Variants in RAB1B observed in about 807,000 individuals in gnomAD.
RAB1B encodes the protein RAB1B, member RAS oncogene family, also known as ras-related protein Rab-1B.
In RAB1B, 10 loss-of-function variants were observed where a neutral mutation model predicts 24.8. The ratio of observed to expected loss-of-function variants is 0.40; its 90% CI spans 0.25 to 0.68. The LOEUF (loss-of-function observed/expected upper bound fraction) is 0.68, where lower values mean the gene tolerates loss of function less well. RAB1B is among the 30% of genes least tolerant of loss of function. RAB1B has a pLI of 0.37. For missense variants in RAB1B, 154 were observed against 271.2 expected, an observed-to-expected ratio of 0.57 and a Z score of 3.04; for synonymous variants, 99 against 111.7, an observed-to-expected ratio of 0.89 and a Z score of 0.72.
Position 66,275,861 on chromosome 11 carries a change from A to G in RAB1B, c.337A>G (p.Asn113Asp). The change falls in exon 5 of 6, where the codon AAC (asparagine) becomes GAC (aspartate). Residue 113 changes from asparagine (N) to aspartate (D), a missense_variant. Physicochemically the swap from Asn to Asp is conservative, Grantham distance 23. Transcript: ENST00000311481. Reference protein sequence around the residue: ...LQEIDRYASENVNKLLVGNKS... With the variant: ...LQEIDRYASEDVNKLLVGNKS... ...GGAGATTGACCGCTATGCCAGCGAG[A>G]ACGTCAATAAGCTCCTGGTGGGCAA... 6.2e-7 allele frequency: 1 copy of G among 1,601,828 alleles called. No individual in the cohort carries two copies. The highest frequency in any genetic ancestry group is 8.5e-7 in the Non-Finnish European group (1 of 1,175,602).
chr11:66,272,311 G>T, intron 3 of RAB1B, 54 bp from the exon 4 acceptor site: 1 of 1,598,038 alleles, frequency 6.3e-7, no homozygotes, highest in Non-Finnish European at 8.6e-7. Context: ...GGAGGGAAGG[G>T]ACTCTGGGAC....
intron 4 of RAB1B, among the ~76,000 whole-genome samples, chr11:66,275,493 G>A (rs1219686092): frequency 2.0e-5 from 3 of 152,160 alleles, no homozygotes; most frequent in Non-Finnish European, 4.4e-5. Flanking sequence ...TCTCACATGT[G>A]GTTAGGGCCT....
chr11:66,274,262 CATA>C (rs1378686186), intron 4 of RAB1B, among the ~76,000 whole-genome samples: 1 of 152,170 alleles, frequency 6.6e-6, no homozygotes, highest in African/African-American at 2.4e-5. Flanking sequence ...TCTGTCCCCT[CATA>C]ATAATAGCAG....
intron 4 of RAB1B, among the ~76,000 whole-genome samples, chr11:66,272,842 C>T (rs1439540157): frequency 6.6e-6 from 1 of 152,184 alleles, no homozygotes; most frequent in Admixed American, 6.5e-5. Flanking sequence ...AGACACAGTG[C>T]AGGGGGACAA....
chr11:66,269,979 G>GTCC (rs916690684), intron 1 of RAB1B: 6 of 151,958 alleles, frequency 3.9e-5, no homozygotes, highest in African/African-American at 1.5e-4. Context: ...GGCTGAAGCA[G>GTCC]TCCTCCTGCC....
chr11:66,268,836 C>T (rs1856994313), intron 1 of RAB1B, 143 bp downstream of exon 1: 1 of 804,870 alleles, frequency 1.2e-6, no homozygotes, highest in Non-Finnish European at 1.7e-6. Flanking sequence ...CCCCCCACAT[C>T]CGGGTTCTGC....
intron 4 of RAB1B, among the ~76,000 whole-genome samples, chr11:66,275,353 T>G (rs1475879524): frequency 6.6e-6 from 1 of 152,242 alleles, no homozygotes; most frequent in Non-Finnish European, 1.5e-5. Flanking sequence ...GGGCCACCTC[T>G]GAGAGGACCC....
At chr11:66,275,469 G>A (rs924332933) in intron 4 of RAB1B, among the ~76,000 whole-genome samples, 5 of 152,132 alleles carry the variant, frequency 3.3e-5, no homozygotes, top group East Asian at 1.9e-4. Flanking sequence ...TCTCCCGTCC[G>A]CTCTCTCTTT....
intron 4 of RAB1B, among the ~76,000 whole-genome samples, chr11:66,273,027 C>T (rs1857086549): frequency 6.6e-6 from 1 of 152,196 alleles, no homozygotes; most frequent in Non-Finnish European, 1.5e-5. Context: ...TGGCCCAGCC[C>T]TCAGATTGCC....
rs1362931479 is a variant in RAB1B, at chr11:66,272,164, C to T, written c.95C>T (p.Thr32Met). ...TGGCCCCTGAACTTTCAGGATGACA[C>T]GTACACAGAGAGCTACATCAGCACC... ...SCLLLRFADDTYTESYISTIG... is the reference protein window; with the variant it reads ...SCLLLRFADDMYTESYISTIG... Residue 32 changes from threonine to methionine, a missense_variant, in exon 3 of 6, where the codon ACG becomes ATG. Physicochemically the swap from Thr to Met is moderately conservative, Grantham distance 81. Around this residue, in one of 2 missense-constraint regions of RAB1B, gnomAD observed 77 missense variants for 173.4 expected, o/e 0.44. Transcript: ENST00000311481. 3.1e-6 allele frequency: 5 copies of T among 1,611,262 alleles called. No homozygotes were observed. In the South Asian group the frequency reaches 3.3e-5, roughly 11 times the overall value.
intron 1 of RAB1B, among the ~76,000 whole-genome samples, chr11:66,269,215 C>A (rs530034343): frequency 1.3e-5 from 2 of 152,202 alleles, no homozygotes; most frequent in East Asian, 3.9e-4. Context: ...GTCGCGTCTC[C>A]CGCAGGTCCT....
chr11:66,270,403 TC>T (rs998480211), intron 1 of RAB1B: 2 of 151,868 alleles, frequency 1.3e-5, no homozygotes, highest in Non-Finnish European at 2.9e-5. Flanking sequence ...CATGGTGAAA[TC>T]CCGTCTCTAC....
At position 66,272,261 on chromosome 11, in the gene RAB1B, C is replaced by T. The variant is rs372615716; in HGVS notation, c.183+9C>T. 2.3e-5 allele frequency: 37 copies of T among 1,611,440 alleles called. No individual in the cohort carries two copies. Among genetic ancestry groups the T allele is most frequent in the East Asian group, 1.8e-4 (8 of 44,844 alleles). On this transcript the variant is annotated intron_variant, in intron 3 of 5. Coordinates refer to ENST00000311481, the MANE Select transcript of RAB1B (RefSeq NM_030981.3). Reference sequence around the variant, plus strand: ...CTATCAAACTTCAGATCGTGAGTGTCGCTCTTCCCAAAATCCCCAGTACAG... The same window carrying T: ...CTATCAAACTTCAGATCGTGAGTGTTGCTCTTCCCAAAATCCCCAGTACAG...
chr11:66,271,326 A>G (rs1423396081), intron 1 of RAB1B: 1 of 156,030 alleles, frequency 6.4e-6, no homozygotes, highest in Non-Finnish European at 1.4e-5. Flanking sequence ...TGTCTCTACT[A>G]AAAATACAAA....
At chr11:66,275,010 G>A (rs1331528695) in intron 4 of RAB1B, among the ~76,000 whole-genome samples, 1 of 152,050 alleles carries the variant, frequency 6.6e-6, no homozygotes, top group African/African-American at 2.4e-5. Flanking sequence ...TTTTGCCCTT[G>A]TGTGTGGCCT....
chr11:66,270,126 C>T (rs1857030474), intron 1 of RAB1B: 2 of 152,286 alleles, frequency 1.3e-5, no homozygotes, highest in Admixed American at 6.5e-5. Context: ...TCTCGTGCCT[C>T]GGGCTTCCAA....
At chr11:66,268,768 C>G (rs1375955742) in intron 1 of RAB1B, 75 bp downstream of exon 1, 1 of 1,470,724 alleles carries the variant, frequency 6.8e-7, no homozygotes, top group Non-Finnish European at 9.1e-7. Context: ...CCGGGGTTGT[C>G]TGGCCCGGGT....
In RAB1B at chr11:66,272,466, C is replaced by T. The variant is rs1449676394; in HGVS notation, c.279+6C>T. 4 of 1,558,562 alleles carry T rather than the reference C, an allele frequency of 2.6e-6. No homozygotes were observed. Among genetic ancestry groups the T allele is most frequent in the African/African-American group, 2.7e-5 (2 of 73,520 alleles). ...TGTATGACGTCACTGACCAGGTACT[C>T]CTGGACTAGCCATCCTCAGCTTGGC... On this transcript the variant is annotated splice_donor_region_variant and intron_variant, in intron 4 of 5. Coordinates refer to ENST00000311481, the MANE Select transcript of RAB1B (RefSeq NM_030981.3).
chr11:66,269,401 C>T (rs554178006), intron 1 of RAB1B, among the ~76,000 whole-genome samples: 1 of 152,348 alleles, frequency 6.6e-6, no homozygotes, highest in Admixed American at 6.5e-5. Context: ...AATTTGCTCT[C>T]CCCCTTCCTG....
Sources: gnomAD v4.1 joint callset for allele counts (sites outside exome capture counted in the v4.1 genomes callset) on GRCh38, gnomAD v4.1.1 for gene constraint, gnomAD v4.1.1 regional missense constraint, MANE v1.5 for transcripts, NCBI Gene and HGNC (gene_info 2026-07-23, HGNC 2026-07-21) for gene names.